The following LSAMP variants were observed in gnomAD, a reference collection of about 807,000 sequenced individuals.
LSAMP encodes limbic system associated membrane protein.
LSAMP carries 7 observed loss-of-function variants against 38.6 expected under a neutral mutation model. The observed-to-expected ratio is 0.18, with a 90% CI of 0.10 to 0.34. LSAMP has a LOEUF of 0.34. LSAMP is among the 10% of genes least tolerant of loss of function. The probability of loss-of-function intolerance (pLI) is 1.00; values close to 1 mark genes in which losing one functional copy is unlikely to be tolerated. For synonymous variants in LSAMP, 154 were observed against 166.8 expected (o/e 0.92, Z 0.59); for missense variants, 313 against 420.0 (o/e 0.75, Z 2.23).
chr3:115,823,355 C>G (rs1355458101), intron 6 of LSAMP, among the ~76,000 whole-genome samples: 1 of 152,194 alleles, frequency 6.6e-6, no homozygotes, highest in Non-Finnish European at 1.5e-5. Context: ...TCTGCTATAA[C>G]CTTGAACGAA....
At position 115,852,602 on chromosome 3, in the gene LSAMP, C is replaced by G; in HGVS notation, c.530G>C (p.Gly177Ala). ...HLTPTGREFE[G>A]EEEYLEILGI... ...AAGGATCTCCAGATATTCTTCTTCT[C>G]CTTCAAATTCCCTTCCTGAAAAACA... The change falls in exon 4 of 7, where the codon GGA becomes GCA. Residue 177 changes from glycine to alanine, a missense_variant. Physicochemically the swap from Gly to Ala is moderately conservative, Grantham distance 60 (BLOSUM62 0). Transcript: ENST00000490035. 6.2e-7 allele frequency: 1 copy of G among 1,611,536 alleles called. No homozygotes were observed. The highest frequency in any genetic ancestry group is 8.5e-7 in the Non-Finnish European group (1 of 1,179,178).
At chr3:115,989,309 TA>T (rs895072386) in intron 3 of LSAMP, among the ~76,000 whole-genome samples, 15 of 152,138 alleles carry the variant, frequency 9.9e-5, no homozygotes, top group African/African-American at 3.4e-4. Flanking sequence ...ACCACATTCT[TA>T]AAAGGGACTT....
rs1264024131 is a variant in LSAMP, at chr3:116,206,506, T to G, written c.156-119950A>C. 4.5e-5 allele frequency among the ~76,000 whole-genome samples: 5 copies of G among 111,840 alleles called. No homozygotes were observed. The East Asian group carries it at 1.4e-3, about 31-fold the overall frequency. 73.4% of individuals were successfully genotyped at this position (111,840 alleles called of 152,430 possible). A position where few individuals can be genotyped will look rare whatever the true frequency, so the allele number is the denominator to read the frequency against. ...TTTAATTGTGATGTTAGGGTGTCAA[T>G]TTTGGATCTTTCCTGCTTTCTCTTG... On this transcript the variant is annotated intron_variant, in intron 1 of 6. Transcript: ENST00000490035.
intron 1 of LSAMP, among the ~76,000 whole-genome samples, chr3:116,182,237 A>G (rs1432764925): frequency 6.6e-6 from 1 of 151,914 alleles, no homozygotes; most frequent in Non-Finnish European, 1.5e-5. Context: ...AATGCTATGA[A>G]GAACTATTTC....
chr3:116,106,011 A>T (rs1466432539), intron 1 of LSAMP, among the ~76,000 whole-genome samples: 1 of 152,002 alleles, frequency 6.6e-6, no homozygotes, highest in African/African-American at 2.4e-5. Context: ...TAGAAGAAAC[A>T]TTTGTCGTAT....
chr3:116,065,328 C>T (rs1363099945), intron 2 of LSAMP, among the ~76,000 whole-genome samples: 1 of 152,174 alleles, frequency 6.6e-6, no homozygotes, highest in Admixed American at 6.5e-5. Context: ...TTTATCATTT[C>T]ATCAGACAGT....
chr3:115,865,400 C>T (rs961799376), intron 3 of LSAMP, among the ~76,000 whole-genome samples: 1 of 152,090 alleles, frequency 6.6e-6, no homozygotes, highest in African/African-American at 2.4e-5. Flanking sequence ...TCTTTAGTTT[C>T]CAGAAAATAA....
At chr3:115,859,852 C>A (rs1295753954) in intron 3 of LSAMP, among the ~76,000 whole-genome samples, 1 of 152,204 alleles carries the variant, frequency 6.6e-6, no homozygotes, top group Non-Finnish European at 1.5e-5. Flanking sequence ...TTTTTTCAGT[C>A]CTGGGCCATG....
At chr3:115,963,684 C>T (rs1487212129) in intron 3 of LSAMP, among the ~76,000 whole-genome samples, 3 of 152,154 alleles carry the variant, frequency 2.0e-5, no homozygotes, top group Non-Finnish European at 4.4e-5. Context: ...GAGGTAGAAG[C>T]TTTAGTTCTT....
intron 1 of LSAMP, among the ~76,000 whole-genome samples, chr3:116,187,377 T>G (rs2107577157): frequency 6.6e-6 from 1 of 152,276 alleles, no homozygotes; most frequent in South Asian, 2.1e-4. Context: ...TTAGATTTCC[T>G]GAATTTTAAA....
intron 1 of LSAMP, among the ~76,000 whole-genome samples, chr3:116,356,995 G>A (rs1217138314): frequency 3.3e-5 from 5 of 151,948 alleles, no homozygotes; most frequent in African/African-American, 4.8e-5. Flanking sequence ...GGGTTTCACC[G>A]TGTTAGCCAG....
intron 2 of LSAMP, among the ~76,000 whole-genome samples, chr3:116,083,476 G>A (rs1320246556): frequency 6.6e-6 from 1 of 152,186 alleles, no homozygotes; most frequent in Admixed American, 6.5e-5. Flanking sequence ...TAAACAGCAA[G>A]AATGAAAACA....
At chr3:116,417,993 A>G (rs2049073944) in intron 1 of LSAMP, among the ~76,000 whole-genome samples, 1 of 152,128 alleles carries the variant, frequency 6.6e-6, no homozygotes, top group Middle Eastern at 3.2e-3. Context: ...GGCTTTAATA[A>G]CCTAAACTCC....
chr3:115,852,669 A>G (rs1197919623), intron 3 of LSAMP, 52 bp from the exon 4 acceptor site: 1 of 1,508,580 alleles, frequency 6.6e-7, no homozygotes, highest in South Asian at 1.3e-5. Flanking sequence ...AATAGGCAGT[A>G]GATCCTCTCA....
At chr3:115,918,331 C>T (rs1212288783) in intron 3 of LSAMP, among the ~76,000 whole-genome samples, 2 of 152,100 alleles carry the variant, frequency 1.3e-5, no homozygotes, top group Admixed American at 6.5e-5. Flanking sequence ...AAGATTTCTC[C>T]CAAAGCTGAG....
intron 2 of LSAMP, among the ~76,000 whole-genome samples, chr3:116,026,627 A>C (rs1258594784): frequency 6.6e-6 from 1 of 152,186 alleles, no homozygotes; most frequent in Non-Finnish European, 1.5e-5. Context: ...AAGCTGGACC[A>C]TTCAAACATC....
intron 1 of LSAMP, among the ~76,000 whole-genome samples, chr3:116,215,906 G>C (rs1194149570): frequency 6.6e-6 from 1 of 152,172 alleles, no homozygotes; most frequent in African/African-American, 2.4e-5. Context: ...GGATTCCAAG[G>C]TCATGTGGTC....
intron 1 of LSAMP, among the ~76,000 whole-genome samples, chr3:116,246,818 A>T (rs996613857): frequency 3.3e-5 from 5 of 152,206 alleles, no homozygotes; most frequent in African/African-American, 1.2e-4. Flanking sequence ...AATTCAAAAC[A>T]GCTACATGAC....
At chr3:115,924,818 C>T (rs1410902201) in intron 3 of LSAMP, among the ~76,000 whole-genome samples, 1 of 152,142 alleles carries the variant, frequency 6.6e-6, no homozygotes, top group Admixed American at 6.5e-5. Context: ...TAAAGTCCTC[C>T]TAAACATAGG....
Sources: allele counts gnomAD v4.1 joint callset (sites outside exome capture counted in the v4.1 genomes callset), GRCh38; gene constraint gnomAD v4.1.1; transcripts MANE v1.5; gene names NCBI Gene and HGNC (gene_info 2026-07-23, HGNC 2026-07-21).